Variants in CDA observed in about 807,000 individuals in gnomAD.
CDA encodes cytidine deaminase.
A neutral mutation model predicts 15.0 loss-of-function variants in CDA; 7 were observed. That is an observed-to-expected ratio of 0.47 (90% CI 0.26 to 0.87). CDA has a LOEUF of 0.87. Among genes scored for constraint, CDA ranks in the 40% least tolerant of loss-of-function variants. CDA has a pLI of 0.15. For missense variants in CDA, 159 were observed against 182.7 expected (o/e 0.87, Z 0.75); for synonymous variants, 58 against 73.0 (o/e 0.79, Z 1.05).
At chr1:20,600,977 T>C (rs2052638584) in intron 1 of CDA, among the ~76,000 whole-genome samples, 1 of 152,194 alleles carries the variant, frequency 6.6e-6, no homozygotes, top group South Asian at 2.1e-4. Context: ...TTCCTGATTG[T>C]ACCCTGCCCC....
chr1:20,595,757 C>T (rs1043084489), intron 1 of CDA, among the ~76,000 whole-genome samples: 37 of 146,030 alleles, frequency 2.5e-4, no homozygotes, highest in African/African-American at 9.2e-4. Flanking sequence ...GAAGGATGGC[C>T]TGAGCCCCGG....
intron 2 of CDA, among the ~76,000 whole-genome samples, chr1:20,606,597 G>C (rs571446437): frequency 6.6e-6 from 1 of 152,148 alleles, no homozygotes; most frequent in East Asian, 1.9e-4. Context: ...ACTCAGCACT[G>C]CTCTCTCCTT....
At chr1:20,609,340 A>AGG in intron 2 of CDA, among the ~76,000 whole-genome samples, 2 of 152,174 alleles carry the variant, frequency 1.3e-5, no homozygotes, top group Non-Finnish European at 2.9e-5. Context: ...AAAAAAATTA[A>AGG]CCAGGCGTGG....
chr1:20,599,469 T>C (rs561692117), intron 1 of CDA, among the ~76,000 whole-genome samples: 1 of 151,200 alleles, frequency 6.6e-6, no homozygotes, highest in East Asian at 1.9e-4. Flanking sequence ...ATACAAAAAT[T>C]AGCCGGGCGT....
At chr1:20,603,946 T>G (rs1369353016) in intron 1 of CDA, among the ~76,000 whole-genome samples, 2 of 152,228 alleles carry the variant, frequency 1.3e-5, no homozygotes, top group South Asian at 4.1e-4. Context: ...TACTGAGAGC[T>G]GGGCCATCTT....
chr1:20,600,428 C>T (rs1332916153), intron 1 of CDA, among the ~76,000 whole-genome samples: 1 of 151,796 alleles, frequency 6.6e-6, no homozygotes, highest in Non-Finnish European at 1.5e-5. Flanking sequence ...GAGTGGTGAG[C>T]AGATATGGCA....
intron 3 of CDA, among the ~76,000 whole-genome samples, chr1:20,617,633 T>C (rs2052826626): frequency 1.3e-5 from 2 of 152,152 alleles, no homozygotes; most frequent in African/African-American, 4.8e-5. Context: ...TCCGCCATGG[T>C]TGTGAGGCTT....
At chr1:20,591,847 TTG>T (rs753967481) in intron 1 of CDA, among the ~76,000 whole-genome samples, 8,575 of 129,888 alleles carry the variant, frequency 0.066, 304 homozygotes, top group Non-Finnish European at 0.083. Context: ...GGGTTTTTTT[TTG>T]TTTTTTTTTT....
chr1:20,617,359 A>G (rs913338763), intron 3 of CDA, among the ~76,000 whole-genome samples: 5 of 152,178 alleles, frequency 3.3e-5, no homozygotes, highest in African/African-American at 1.2e-4. Flanking sequence ...TTATGAAACC[A>G]CGCATGTGCA....
intron 2 of CDA, among the ~76,000 whole-genome samples, chr1:20,611,637 C>G (rs2052751744): frequency 6.6e-6 from 1 of 152,006 alleles, no homozygotes; most frequent in Non-Finnish European, 1.5e-5. Context: ...CCTTGGCCTC[C>G]CAAAGTGCTG....
intron 2 of CDA, among the ~76,000 whole-genome samples, chr1:20,609,473 G>A (rs2052726253): frequency 6.6e-6 from 1 of 152,024 alleles, no homozygotes; most frequent in Admixed American, 6.6e-5. Flanking sequence ...GCGACAGAGC[G>A]AGACTCCGTC....
At position 20,602,487 on chromosome 1, in the gene CDA, G is replaced by A. The variant is rs188430233; in HGVS notation, c.155-2441G>A. Among the ~76,000 whole-genome samples the A allele has an allele frequency of 2.1e-3, 322 of 152,070 alleles. 2 individuals carry two copies. Among genetic ancestry groups the A allele is most frequent in the African/African-American group, 7.4e-3 (305 of 41,480 alleles). Reference sequence around the variant, plus strand: ...CGCCCAGGCTGGAGCGCAGTGGCATGATCTCGGCTCACTGCAACCTCTGCC... The same window carrying A: ...CGCCCAGGCTGGAGCGCAGTGGCATAATCTCGGCTCACTGCAACCTCTGCC... On this transcript the variant is annotated intron_variant, in intron 1 of 3. Transcript: ENST00000375071.
At position 20,613,787 on chromosome 1, in the gene CDA, AT is replaced by A. The variant is rs1298409328; in HGVS notation, c.267-53del. On this transcript the variant is annotated intron_variant, in intron 2 of 3. Coordinates refer to ENST00000375071, the MANE Select transcript of CDA (RefSeq NM_001785.3). ...GAGTCTCAGGGCCTGAATCTTAGCA[AT>A]TGTCCTCAGTCCTTGGGAGAGACTA... The A allele has an allele frequency of 4.6e-6, 7 of 1,531,696 alleles. No homozygotes were observed. In the African/African-American group the frequency reaches 5.5e-5, roughly 12 times the overall value. The allele number at this position is 1,531,696 out of a possible 1,614,324, so 94.9% of individuals were successfully genotyped here.
At chr1:20,613,488 A>C (rs532299831) in intron 2 of CDA, among the ~76,000 whole-genome samples, 3 of 152,348 alleles carry the variant, frequency 2.0e-5, no homozygotes, top group African/African-American at 7.2e-5. Context: ...TACAGGCGTG[A>C]GCTACCAAGC....
In CDA at chr1:20,589,284, G is replaced by A. The variant is rs1394051767; in HGVS notation, c.154+1G>A. ...ACCCAGGAGGGGAGAATCTTCAAAG[G>A]TAAAGGTGGGCACCCCAGGGTCCCC... On this transcript the variant is annotated splice_donor_variant, in intron 1 of 3. Transcript: ENST00000375071. LOFTEE classifies it high-confidence loss of function. 25 of 1,613,616 alleles carry A rather than the reference G, an allele frequency of 1.5e-5. No homozygotes were observed. The highest frequency in any genetic ancestry group is 1.9e-5 in the Non-Finnish European group (22 of 1,179,910).
chr1:20,592,977 C>T (rs6665553), intron 1 of CDA, among the ~76,000 whole-genome samples: 17,316 of 152,130 alleles, frequency 0.11, 1,109 homozygotes, highest in African/African-American at 0.16. Flanking sequence ...TCTGTGGTCC[C>T]AGACACTTGG....
intron 1 of CDA, among the ~76,000 whole-genome samples, chr1:20,599,566 G>GAAATT (rs1232907230): frequency 6.8e-6 from 1 of 147,930 alleles, no homozygotes; most frequent in East Asian, 2.0e-4. Flanking sequence ...GCAGTGAGCC[G>GAAATT]AAATTACGCC....
chr1:20,607,307 G>A (rs1410636802), intron 2 of CDA, among the ~76,000 whole-genome samples: 5 of 152,138 alleles, frequency 3.3e-5, no homozygotes, highest in African/African-American at 4.8e-5. Flanking sequence ...AGTAAAGCCC[G>A]AGGTGCACTC....
intron 1 of CDA, among the ~76,000 whole-genome samples, chr1:20,598,243 T>C (rs1213840481): frequency 6.6e-6 from 1 of 152,154 alleles, no homozygotes. Flanking sequence ...AGTGGATGAA[T>C]ACCGCTATAA....
Sources: allele counts gnomAD v4.1 joint callset (sites outside exome capture counted in the v4.1 genomes callset), GRCh38; gene constraint gnomAD v4.1.1; transcripts MANE v1.5; gene names NCBI Gene and HGNC (gene_info 2026-07-23, HGNC 2026-07-21).